The following KDM5A variants were observed in gnomAD, a reference collection of about 807,000 sequenced individuals.
The protein encoded by KDM5A is lysine demethylase 5A.
KDM5A carries 42 observed loss-of-function variants against 193.5 expected under a neutral mutation model. The observed-to-expected ratio is 0.22, with a 90% confidence interval of 0.17 to 0.28. KDM5A has a LOEUF of 0.28. Ranked by LOEUF, KDM5A falls within the 10% of genes least tolerant of loss-of-function variation. KDM5A has a pLI of 1.00. For missense variants in KDM5A, 1,692 were observed against 2,055.1 expected (o/e 0.82, Z 3.42); for synonymous variants, 796 against 718.1 (o/e 1.11, Z -1.73).
At chr12:327,235 G>A (rs1286468427) in intron 14 of KDM5A, among the ~76,000 whole-genome samples, 1 of 152,114 alleles carries the variant, frequency 6.6e-6, no homozygotes. Context: ...AATTATCAAA[G>A]CACAAGGGAA....
At chr12:321,520 A>G (rs1943717211) in intron 17 of KDM5A, among the ~76,000 whole-genome samples, 1 of 152,180 alleles carries the variant, frequency 6.6e-6, no homozygotes, top group Non-Finnish European at 1.5e-5. Context: ...CTAAACTTTT[A>G]CTAGTTTCTC....
intron 22 of KDM5A, among the ~76,000 whole-genome samples, chr12:309,439 A>G (rs1669051922): frequency 6.6e-6 from 1 of 152,232 alleles, no homozygotes; most frequent in Admixed American, 6.5e-5. Flanking sequence ...ATCAGTCTGT[A>G]GTAAAAGTGG....
At chr12:375,048 T>C (rs889198544) in intron 3 of KDM5A, among the ~76,000 whole-genome samples, 5 of 152,200 alleles carry the variant, frequency 3.3e-5, no homozygotes, top group African/African-American at 7.2e-5. Flanking sequence ...CTGACAATTA[T>C]GTGTCTTGGA....
At position 318,461 on chromosome 12, in the gene KDM5A, T is replaced by G; in HGVS notation, c.2542A>C (p.Asn848His). 1.2e-6 allele frequency: 2 copies of G among 1,604,352 alleles called. No individual in the cohort carries two copies. Among genetic ancestry groups the G allele is most frequent in the Non-Finnish European group, 1.7e-6 (2 of 1,171,098 alleles). The change falls in exon 19 of 28, where the codon AAT becomes CAT. Residue 848 changes from asparagine to histidine, a missense_variant and splice_region_variant. Physicochemically the swap from Asn to His is moderately conservative, Grantham distance 68 (BLOSUM62 1). Transcript: ENST00000399788. ...CVISQARQVK[N>H]LLDDVEEFHE... ...AACTCTTCCACATCATCTAGCAGATTCTGAAAAGGTCAAAAGAAATAAAAA... is the reference window on the plus strand; with the variant it reads ...AACTCTTCCACATCATCTAGCAGATGCTGAAAAGGTCAAAAGAAATAAAAA...
In KDM5A at chr12:309,862, G is replaced by C; in HGVS notation, c.3319C>G (p.Leu1107Val). 1.2e-6 allele frequency: 2 copies of C among 1,613,912 alleles called. No homozygotes were observed. The highest frequency in any genetic ancestry group is 1.7e-6 in the Non-Finnish European group (2 of 1,179,980). The change falls in exon 22 of 28, where the codon CTG (leucine) becomes GTG (valine). Residue 1107 changes from leucine to valine, a missense_variant. This residue lies in a region of KDM5A where 965 missense variants were observed against 1,061.0 expected (regional missense o/e 0.91). Coordinates refer to ENST00000399788, the MANE Select transcript of KDM5A (RefSeq NM_001042603.3). ...TCCTCCAGATCACTCAGAGGCTCCAGGTCCAGATCCTTTTCTTTTTCTTTT... is the reference window on the plus strand; with the variant it reads ...TCCTCCAGATCACTCAGAGGCTCCACGTCCAGATCCTTTTCTTTTTCTTTT... The part of the protein sequence containing the change: ...IEKEKEKDLD[L>V]EPLSDLEEGL...
intron 5 of KDM5A, among the ~76,000 whole-genome samples, chr12:361,560 G>A (rs1005007293): frequency 2.0e-5 from 3 of 152,054 alleles, no homozygotes; most frequent in Non-Finnish European, 4.4e-5. Context: ...TGGTTTCAAG[G>A]TGAACATCAA....
At chr12:336,073 G>T (rs1458620643) in intron 10 of KDM5A, among the ~76,000 whole-genome samples, 12 of 140,428 alleles carry the variant, frequency 8.5e-5, no homozygotes, top group African/African-American at 1.9e-4. Context: ...AAAAAATAGA[G>T]AGAAGCTGGG....
chr12:328,416 T>G (rs924100209), intron 14 of KDM5A, among the ~76,000 whole-genome samples: 14 of 152,304 alleles, frequency 9.2e-5, no homozygotes, highest in African/African-American at 3.4e-4. Flanking sequence ...AATCCCAGCC[T>G]TGGGGTTAGT....
intron 20 of KDM5A, among the ~76,000 whole-genome samples, chr12:312,795 G>C (rs1237601636): frequency 6.6e-6 from 1 of 152,224 alleles, no homozygotes; most frequent in Non-Finnish European, 1.5e-5. Flanking sequence ...CTGTGGCTCA[G>C]TGCTGCTGCC....
At chr12:328,159 A>T (rs1943816069) in intron 14 of KDM5A, among the ~76,000 whole-genome samples, 1 of 152,256 alleles carries the variant, frequency 6.6e-6, no homozygotes, top group African/African-American at 2.4e-5. Flanking sequence ...TGTACACATT[A>T]AACACATGTA....
chr12:330,722 T>G lies in KDM5A; in HGVS notation c.1773+1097A>C, dbSNP rs570581741. 1.1e-4 allele frequency among the ~76,000 whole-genome samples: 17 copies of G among 152,324 alleles called. 1 individual carries two copies. The highest frequency in any genetic ancestry group is 4.1e-4 in the African/African-American group (17 of 41,582). ...TTCCAAAGCCTAATAAGAAAAAAGT[T>G]CAAAATTACTGGAGCAAGTAAGACT... On this transcript the variant is annotated intron_variant, in intron 13 of 27. Transcript: ENST00000399788.
intron 26 of KDM5A, among the ~76,000 whole-genome samples, chr12:295,215 C>A (rs1417972316): frequency 6.8e-6 from 1 of 146,606 alleles, no homozygotes; most frequent in African/African-American, 2.5e-5. Flanking sequence ...TAAATCAAAT[C>A]TCTGGTGTCC....
chr12:322,923 T>A (rs890607834), intron 16 of KDM5A, among the ~76,000 whole-genome samples, 159 bp downstream of exon 16: 1 of 152,124 alleles, frequency 6.6e-6, no homozygotes, highest in Non-Finnish European at 1.5e-5. Flanking sequence ...GATTCTCAAA[T>A]AGAAAATTAA....
At chr12:287,840 C>T (rs1943239337) in intron 27 of KDM5A, among the ~76,000 whole-genome samples, 1 of 152,114 alleles carries the variant, frequency 6.6e-6, no homozygotes, top group Non-Finnish European at 1.5e-5. Flanking sequence ...AGAAAAGTGT[C>T]CCATGTCTTT....
intron 13 of KDM5A, among the ~76,000 whole-genome samples, chr12:330,876 G>A (rs760071741): frequency 3.3e-4 from 50 of 152,064 alleles, no homozygotes; most frequent in Non-Finnish European, 6.0e-4. Flanking sequence ...GTTAACAGAA[G>A]CAACAAAAAC....
At chr12:293,829 A>G (rs994889718) in intron 26 of KDM5A, among the ~76,000 whole-genome samples, 29 of 151,700 alleles carry the variant, frequency 1.9e-4, no homozygotes, top group Non-Finnish European at 3.5e-4. Flanking sequence ...GATATTCAAA[A>G]GACATTTTAA....
intron 15 of KDM5A, 96 bp downstream of exon 15, chr12:323,504 A>G: frequency 8.0e-7 from 1 of 1,254,584 alleles, no homozygotes; most frequent in Non-Finnish European, 1.2e-6. Flanking sequence ...TTAGAAGTCC[A>G]GAGTAAAGGA....
intron 18 of KDM5A, among the ~76,000 whole-genome samples, chr12:318,825 G>C (rs1002897205): frequency 1.3e-5 from 2 of 152,174 alleles, no homozygotes; most frequent in Non-Finnish European, 2.9e-5. Flanking sequence ...AAATGTTTCA[G>C]TTAGTGTCAA....
Position 323,627 on chromosome 12 carries a change from G to A in KDM5A, c.2123C>T (p.Pro708Leu), listed in dbSNP as rs2137411630. The A allele has an allele frequency of 6.2e-7, 1 of 1,614,126 alleles. No homozygotes were observed. The highest frequency in any genetic ancestry group is 8.5e-7 in the Non-Finnish European group (1 of 1,180,008). ...AAGACATTTCTTCTGCATGGGGCAG[G>A]GGCACAGATCAGTTGGATGGTAGAG... ...VCLYHPTDLC[P>L]CPMQKKCLRY... The change falls in exon 15 of 28, where the codon CCC (proline) becomes CTC (leucine). Residue 708 changes from proline to leucine, a missense_variant. Pro to Leu is a moderately conservative substitution (Grantham distance 98). Coordinates refer to ENST00000399788, the MANE Select transcript of KDM5A (RefSeq NM_001042603.3).
Sources: allele counts gnomAD v4.1 joint callset (sites outside exome capture counted in the v4.1 genomes callset), GRCh38; gene constraint gnomAD v4.1.1; regional missense constraint gnomAD v4.1.1; transcripts MANE v1.5; gene names NCBI Gene and HGNC (gene_info 2026-07-23, HGNC 2026-07-21).